The following CDHR3 variants were observed in gnomAD, a reference collection of about 807,000 sequenced individuals.
CDHR3 encodes the protein cadherin related family member 3.
Under a neutral mutation model 86.6 loss-of-function variants are expected in CDHR3, and 79 were observed. The ratio of observed to expected loss-of-function variants is 0.91; its 90% confidence interval spans 0.76 to 1.10. CDHR3 has a LOEUF of 1.10. CDHR3 is among the 50% of genes least tolerant of loss of function. CDHR3 has a pLI of 0.00. For missense variants in CDHR3, 1,081 were observed against 1,077.6 expected, an observed-to-expected ratio of 1.00 and a Z score of -0.04; for synonymous variants, 421 against 402.4, an observed-to-expected ratio of 1.05 and a Z score of -0.55.
At chr7:106,008,731 A>G (rs1834323053) in intron 8 of CDHR3, among the ~76,000 whole-genome samples, 2 of 152,190 alleles carry the variant, frequency 1.3e-5, no homozygotes, top group Admixed American at 6.5e-5. Flanking sequence ...AATTTGCAGC[A>G]TCACACTTAC....
chr7:105,978,305 G>T (rs2115660456), intron 2 of CDHR3, among the ~76,000 whole-genome samples: 1 of 152,326 alleles, frequency 6.6e-6, no homozygotes, highest in Middle Eastern at 3.4e-3. Flanking sequence ...CTGCCAGCTG[G>T]CTGCGGAGAG....
intron 6 of CDHR3, among the ~76,000 whole-genome samples, chr7:105,996,943 GC>G (rs1266443868): frequency 6.6e-6 from 1 of 152,058 alleles, no homozygotes. Flanking sequence ...ACTATCCCAG[GC>G]ACAAAATGAA....
chr7:106,014,644 A>C (rs1835302506), intron 9 of CDHR3, among the ~76,000 whole-genome samples: 3 of 152,162 alleles, frequency 2.0e-5, no homozygotes, highest in Non-Finnish European at 4.4e-5. Flanking sequence ...AAAAACAATA[A>C]AGAAAACCAG....
chr7:106,008,473 T>G (rs1339914189), intron 8 of CDHR3, among the ~76,000 whole-genome samples: 1 of 152,182 alleles, frequency 6.6e-6, no homozygotes, highest in Non-Finnish European at 1.5e-5. Flanking sequence ...ATATACTCTG[T>G]GAGCACCTTC....
chr7:105,984,415 A>C, intron 4 of CDHR3, 126 bp downstream of exon 4: 1 of 577,508 alleles, frequency 1.7e-6, no homozygotes, highest in African/African-American at 1.9e-5. Flanking sequence ...GTCCACTTCC[A>C]AACACAGTGT....
At chr7:105,994,988 G>A (rs1423438440) in intron 5 of CDHR3, 143 bp downstream of exon 5, 9 of 661,282 alleles carry the variant, frequency 1.4e-5, no homozygotes, top group Non-Finnish European at 2.1e-5. Flanking sequence ...TCAGATGGTA[G>A]TGAACCCCAG....
chr7:106,013,134 T>G, intron 9 of CDHR3, 103 bp downstream of exon 9: 1 of 1,040,206 alleles, frequency 9.6e-7, no homozygotes, highest in Non-Finnish European at 1.4e-6. Context: ...GGTAACCCCC[T>G]CTCAGAGCGA....
At position 105,972,523 on chromosome 7, in the gene CDHR3, G is replaced by A. The variant is rs192482885; in HGVS notation, c.47-2321G>A. Among the ~76,000 whole-genome samples the A allele has an allele frequency of 2.3e-3, 356 of 152,228 alleles. 2 individuals are homozygous for A. The highest frequency in any genetic ancestry group is 3.9e-3 in the South Asian group (19 of 4,818). On this transcript the variant is annotated intron_variant, in intron 1 of 18. Coordinates refer to ENST00000317716, the MANE Select transcript of CDHR3 (RefSeq NM_152750.5). ...GTCCTTGTCTTGCTAAACAGTGAGGGAACACTCTCATGAACAGCTCAGAGA... is the reference window on the plus strand; with the variant it reads ...GTCCTTGTCTTGCTAAACAGTGAGGAAACACTCTCATGAACAGCTCAGAGA...
intron 8 of CDHR3, among the ~76,000 whole-genome samples, chr7:106,012,489 C>T (rs1028536072): frequency 2.6e-5 from 4 of 151,972 alleles, no homozygotes; most frequent in Non-Finnish European, 5.9e-5. Flanking sequence ...GCCAGAGTGG[C>T]AGGAGGAGAG....
chr7:105,979,632 G>T (rs1444461950), intron 2 of CDHR3, among the ~76,000 whole-genome samples: 2 of 152,064 alleles, frequency 1.3e-5, no homozygotes, highest in Non-Finnish European at 2.9e-5. Context: ...TATTTCCCTA[G>T]TTACAATCAC....
At chr7:105,992,982 A>G (rs887942505) in intron 4 of CDHR3, among the ~76,000 whole-genome samples, 2 of 152,220 alleles carry the variant, frequency 1.3e-5, no homozygotes, top group Admixed American at 6.5e-5. Flanking sequence ...CCTTTAATCT[A>G]TTTTCTGTGC....
chr7:105,992,032 A>G (rs1306247920), intron 4 of CDHR3, among the ~76,000 whole-genome samples: 2 of 152,188 alleles, frequency 1.3e-5, no homozygotes, highest in Non-Finnish European at 2.9e-5. Context: ...TGACTCTTGT[A>G]TTCCAGATGA....
chr7:105,978,687 C>T (rs1041764433), intron 2 of CDHR3, among the ~76,000 whole-genome samples: 1 of 152,168 alleles, frequency 6.6e-6, no homozygotes, highest in Admixed American at 6.5e-5. Flanking sequence ...GCAAGTCTGG[C>T]ACATAAATGC....
intron 7 of CDHR3, among the ~76,000 whole-genome samples, chr7:106,003,395 T>C (rs1417629452): frequency 6.6e-6 from 1 of 152,158 alleles, no homozygotes; most frequent in African/African-American, 2.4e-5. Context: ...ATAACCATCT[T>C]TTTCTGGGGC....
intron 1 of CDHR3, among the ~76,000 whole-genome samples, chr7:105,973,555 C>T (rs1013390066): frequency 2.0e-5 from 3 of 152,182 alleles, no homozygotes; most frequent in African/African-American, 4.8e-5. Flanking sequence ...ATGGCCTTTT[C>T]CCCTCTGTGC....
intron 13 of CDHR3, 81 bp from the exon 14 acceptor site, chr7:106,022,117 G>A: frequency 6.5e-7 from 1 of 1,527,610 alleles, no homozygotes; most frequent in Non-Finnish European, 8.9e-7. Flanking sequence ...GAAAAAGATT[G>A]AATGCAGTTT....
rs534020465 is a variant in CDHR3 at position 106,034,260 on chromosome 7, C to T, written c.*1563C>T. ...TAGCAGAGCCTGAGCAAGCTTCACT[C>T]GAGCTCTATGCCCTGCTGCCCAGCT... On this transcript the variant is annotated 3_prime_UTR_variant, in exon 19 of 19. Transcript: ENST00000317716. 9.8e-5 allele frequency among the ~76,000 whole-genome samples: 15 copies of T among 152,318 alleles called. No homozygotes were observed. Among genetic ancestry groups the T allele is most frequent in the African/African-American group, 3.1e-4 (13 of 41,560 alleles).
intron 14 of CDHR3, among the ~76,000 whole-genome samples, chr7:106,023,547 TTCCTCCTCC>T (rs915716011): frequency 2.0e-5 from 3 of 151,710 alleles, no homozygotes; most frequent in Non-Finnish European, 2.9e-5. Flanking sequence ...CCTCCTCCTC[TTCCTCCTCC>T]TCCTCCTCCT....
chr7:105,969,006 T>C (rs1048605503), intron 1 of CDHR3, among the ~76,000 whole-genome samples: 13 of 151,532 alleles, frequency 8.6e-5, no homozygotes, highest in Admixed American at 7.2e-4. Context: ...GAGAATGGCA[T>C]GTACCCGGGA....
Sources: allele counts gnomAD v4.1 joint callset (sites outside exome capture counted in the v4.1 genomes callset), GRCh38; gene constraint gnomAD v4.1.1; transcripts MANE v1.5; gene names NCBI Gene and HGNC (gene_info 2026-07-23, HGNC 2026-07-21).